Variants in R3HDM2 observed in about 807,000 individuals in gnomAD.
R3HDM2 encodes the protein R3H domain containing 2, also known as R3H domain-containing protein 2.
R3HDM2 carries 38 observed loss-of-function variants against 124.5 expected under a neutral mutation model. That is an observed-to-expected ratio of 0.31 (90% CI 0.24 to 0.40). The LOEUF (loss-of-function observed/expected upper bound fraction) is 0.40. Ranked by LOEUF, R3HDM2 falls within the 10% of genes least tolerant of loss-of-function variation. R3HDM2 has a pLI of 1.00. For missense variants in R3HDM2, 869 were observed against 1,236.9 expected, an observed-to-expected ratio of 0.70 and a Z score of 4.46; for synonymous variants, 391 against 448.0, an observed-to-expected ratio of 0.87 and a Z score of 1.61.
At chr12:57,264,575 AAAAAG>A (rs566743054) in intron 19 of R3HDM2, among the ~76,000 whole-genome samples, 176 of 151,930 alleles carry the variant, frequency 1.2e-3, no homozygotes, top group African/African-American at 3.8e-3. Context: ...CTGTCTCAAA[AAAAAG>A]AAAAGAAAAG....
chr12:57,411,946 G>A (rs1398844433), intron 1 of R3HDM2, among the ~76,000 whole-genome samples: 2 of 152,182 alleles, frequency 1.3e-5, no homozygotes, highest in African/African-American at 4.8e-5. Context: ...CACAAGAGCT[G>A]ATGGTTTTGT....
intron 2 of R3HDM2, among the ~76,000 whole-genome samples, chr12:57,319,142 G>T (rs1271103083): frequency 6.6e-6 from 1 of 152,072 alleles, no homozygotes; most frequent in Admixed American, 6.6e-5. Context: ...GCCCAGGCTG[G>T]AGTGCAAGCG....
chr12:57,317,357 G>C lies in R3HDM2; in HGVS notation c.-35-6894C>G, dbSNP rs1053913300. On this transcript the variant is annotated intron_variant, in intron 2 of 23. Coordinates refer to ENST00000402412, the MANE Select transcript of R3HDM2 (RefSeq NM_001394031.1). ...CCATCACCACGAATGGCTAATTTTT[G>C]TATTTGTAATAGAGATGGGGTTTTG... Among the ~76,000 whole-genome samples the C allele has an allele frequency of 2.0e-5, 3 of 151,432 alleles. No individual in the cohort carries two copies. The East Asian group carries it at 5.8e-4, about 29-fold the overall frequency.
chr12:57,339,026 G>C (rs1223177102), intron 2 of R3HDM2, among the ~76,000 whole-genome samples: 1 of 152,066 alleles, frequency 6.6e-6, no homozygotes, highest in Non-Finnish European at 1.5e-5. Flanking sequence ...ACAAATGTGT[G>C]TGCATGTGTG....
At chr12:57,429,550 C>CCT (rs979959602) in intron 1 of R3HDM2, among the ~76,000 whole-genome samples, 33 of 152,072 alleles carry the variant, frequency 2.2e-4, no homozygotes, top group African/African-American at 7.7e-4. Context: ...AGGTGAAACC[C>CCT]GTCTCTACAA....
chr12:57,288,185 T>C (rs926555524), intron 12 of R3HDM2, among the ~76,000 whole-genome samples: 7 of 151,896 alleles, frequency 4.6e-5, no homozygotes, highest in Admixed American at 6.6e-5. Context: ...TTTGTATTTT[T>C]AGTAGAGACA....
At chr12:57,371,321 A>C (rs1036759945) in intron 2 of R3HDM2, among the ~76,000 whole-genome samples, 1 of 151,966 alleles carries the variant, frequency 6.6e-6, no homozygotes, top group Admixed American at 6.6e-5. Context: ...AGGGAGAGAA[A>C]AATATTTTCA....
intron 1 of R3HDM2, among the ~76,000 whole-genome samples, chr12:57,404,356 G>A (rs1211707510): frequency 4.7e-5 from 7 of 148,400 alleles, no homozygotes; most frequent in South Asian, 2.3e-4. Flanking sequence ...GAGCCACCGC[G>A]CCTGGCCATC....
chr12:57,390,032 G>A (rs535905174), intron 2 of R3HDM2, among the ~76,000 whole-genome samples: 1 of 151,928 alleles, frequency 6.6e-6, no homozygotes, highest in East Asian at 1.9e-4. Context: ...TCAAGAATTC[G>A]AGAAACAAAG....
intron 3 of R3HDM2, among the ~76,000 whole-genome samples, chr12:57,306,351 T>C (rs2052563729): frequency 6.6e-6 from 1 of 152,160 alleles, no homozygotes; most frequent in Admixed American, 6.5e-5. Flanking sequence ...ATGGTACATT[T>C]ATCAAAAAGG....
chr12:57,269,704 T>C (rs2043183485), intron 15 of R3HDM2, 48 bp downstream of exon 15: 1 of 1,611,956 alleles, frequency 6.2e-7, no homozygotes. Context: ...AGTATAATAC[T>C]AGACAAACTG....
intron 19 of R3HDM2, among the ~76,000 whole-genome samples, chr12:57,259,352 G>C (rs543268507): frequency 1.3e-5 from 2 of 152,208 alleles, no homozygotes; most frequent in African/African-American, 4.8e-5. Context: ...TTCTGTCAAC[G>C]CTGGCTATAA....
intron 2 of R3HDM2, among the ~76,000 whole-genome samples, chr12:57,336,031 AAAC>A (rs2058808689): frequency 6.6e-6 from 1 of 152,064 alleles, no homozygotes; most frequent in Admixed American, 6.5e-5. Flanking sequence ...TGCCAATCAA[AAAC>A]ACCCACAATG....
chr12:57,286,589 G>C (rs1000729638), intron 12 of R3HDM2, among the ~76,000 whole-genome samples: 3 of 152,140 alleles, frequency 2.0e-5, no homozygotes, highest in African/African-American at 7.2e-5. Context: ...TAGCTTAAAA[G>C]GTCTGGTGAG....
At position 57,320,273 on chromosome 12, in the gene R3HDM2, A is replaced by C. The variant is rs1008838529; in HGVS notation, c.-35-9810T>G. Among the ~76,000 whole-genome samples, 83 of 135,298 alleles carry C rather than the reference A, an allele frequency of 6.1e-4. 2 individuals are homozygous for C. Among genetic ancestry groups the C allele is most frequent in the African/African-American group, 1.5e-3 (59 of 38,690 alleles). 88.8% of individuals were successfully genotyped at this position (135,298 alleles called of 152,430 possible). Reference sequence around the variant, plus strand: ...TGCAACTCTATCTCAAAAAAAAAAAAAAAAAAAAAAAAAAAGCCTTAAACA... The same window carrying C: ...TGCAACTCTATCTCAAAAAAAAAAACAAAAAAAAAAAAAAAGCCTTAAACA... On this transcript the variant is annotated intron_variant, in intron 2 of 23. Transcript: ENST00000402412.
At chr12:57,429,028 G>A (rs1254280421) in intron 1 of R3HDM2, among the ~76,000 whole-genome samples, 1 of 152,104 alleles carries the variant, frequency 6.6e-6, no homozygotes, top group African/African-American at 2.4e-5. Context: ...ATTACAGCAT[G>A]AGCCACCGTG....
intron 2 of R3HDM2, among the ~76,000 whole-genome samples, chr12:57,370,898 G>A (rs1320374667): frequency 2.0e-5 from 3 of 151,914 alleles, no homozygotes; most frequent in Non-Finnish European, 4.4e-5. Context: ...TTATGCAACC[G>A]AGAGCCACTG....
In R3HDM2 at chr12:57,254,969, C is replaced by T. The variant is rs780983269; in HGVS notation, c.2777G>A (p.Gly926Glu). 6 of 1,614,086 alleles carry T rather than the reference C, an allele frequency of 3.7e-6. No individual in the cohort carries two copies. In the Admixed American group the frequency reaches 1.0e-4, roughly 27 times the overall value. Residue 926 changes from glycine to glutamate, a missense_variant, in exon 24 of 24, where the codon GGG (glycine) becomes GAG (glutamate). Coordinates refer to ENST00000402412, the MANE Select transcript of R3HDM2 (RefSeq NM_001394031.1). ...DAQGLPGGGGGDNSGTAENGR... is the reference protein window; with the variant it reads ...DAQGLPGGGGEDNSGTAENGR... ...ATTCTCAGCAGTCCCACTGTTGTCC[C>T]CCCCACCCCCTCCAGGCAGCCCCTG... is the stretch of plus-strand genomic sequence containing the variant.
chr12:57,396,330 G>A (rs969749834), intron 1 of R3HDM2, among the ~76,000 whole-genome samples: 4 of 151,796 alleles, frequency 2.6e-5, no homozygotes, highest in Non-Finnish European at 5.9e-5. Flanking sequence ...AATCCTAGCT[G>A]CTGGGGAGGC....
Sources: gnomAD v4.1 joint callset for allele counts (sites outside exome capture counted in the v4.1 genomes callset) on GRCh38, gnomAD v4.1.1 for gene constraint, MANE v1.5 for transcripts, NCBI Gene and HGNC (gene_info 2026-07-23, HGNC 2026-07-21) for gene names.